The following LTAP1 variants were observed in gnomAD, a reference collection of about 807,000 sequenced individuals.
LTAP1 encodes lipid transport auxiliary protein 1.
At chr1:154,213,561 T>C in the LTAP1 span, among the ~76,000 whole-genome samples, 1 of 152,152 alleles carries the variant, frequency 6.6e-6, no homozygotes, top group East Asian at 1.9e-4. Flanking sequence ...ATGGAAAAAA[T>C]TCAAGAACAA....
the LTAP1 span, among the ~76,000 whole-genome samples, chr1:154,209,297 A>G: frequency 2.0e-5 from 3 of 151,922 alleles, no homozygotes; most frequent in East Asian, 1.9e-4. Context: ...GGTATCTCAT[A>G]TAACTGGAAT....
chr1:154,212,524 C>T, the LTAP1 span: 1 of 1,614,182 alleles, frequency 6.2e-7, no homozygotes, highest in Non-Finnish European at 8.5e-7. Flanking sequence ...TGCGTACACC[C>T]TTGAAAGGCG....
the LTAP1 span, chr1:154,212,386 AAG>A: frequency 6.2e-7 from 1 of 1,614,116 alleles, no homozygotes; most frequent in Non-Finnish European, 8.5e-7. Context: ...GACCTTAGGA[AAG>A]AGAAAGGAAG....
the LTAP1 span, chr1:154,219,696 C>T: frequency 4.5e-6 from 3 of 667,860 alleles, no homozygotes; most frequent in South Asian, 2.0e-5. Flanking sequence ...CGCACAGTGC[C>T]TGCTCAACTT....
chr1:154,208,805 C>A, the LTAP1 span, among the ~76,000 whole-genome samples: 1 of 152,192 alleles, frequency 6.6e-6, no homozygotes, highest in Non-Finnish European at 1.5e-5. Flanking sequence ...GGCTGGAGTG[C>A]AGTGGCACAA....
chr1:154,207,638 G>A, the LTAP1 span: 1 of 1,605,196 alleles, frequency 6.2e-7, no homozygotes, highest in Non-Finnish European at 8.5e-7. Flanking sequence ...CTCCCAATTC[G>A]TGCTTTAACC....
chr1:154,215,124 T>G, the LTAP1 span, among the ~76,000 whole-genome samples: 3 of 151,948 alleles, frequency 2.0e-5, no homozygotes, highest in African/African-American at 7.3e-5. Flanking sequence ...GGATTACAGG[T>G]GTGAGCTACT....
the LTAP1 span, chr1:154,219,960 C>T: frequency 1.3e-6 from 2 of 1,549,522 alleles, no homozygotes; most frequent in Non-Finnish European, 1.7e-6. Flanking sequence ...ATGTAAAAAT[C>T]CTTTAATAAA....
At chr1:154,213,883 T>G in the LTAP1 span, 1 of 1,611,280 alleles carries the variant, frequency 6.2e-7, no homozygotes. Context: ...CCCTGTCAGG[T>G]AGCCCTTACC....
the LTAP1 span, chr1:154,220,379 C>T: frequency 6.2e-7 from 1 of 1,614,240 alleles, no homozygotes; most frequent in East Asian, 2.2e-5. Context: ...GACATTCACC[C>T]CGGAGAGCCA....
chr1:154,215,460 G>A, the LTAP1 span, among the ~76,000 whole-genome samples: 1 of 151,724 alleles, frequency 6.6e-6, no homozygotes, highest in East Asian at 2.0e-4. Context: ...CAGCTACTCG[G>A]GAGGCCGAGG....
At chr1:154,219,539 G>A in the LTAP1 span, among the ~76,000 whole-genome samples, 4 of 152,258 alleles carry the variant, frequency 2.6e-5, no homozygotes, top group African/African-American at 7.2e-5. Flanking sequence ...AAAAACACTG[G>A]GTAGTTTAAG....
the LTAP1 span, among the ~76,000 whole-genome samples, chr1:154,215,383 G>A: frequency 1.3e-5 from 2 of 151,834 alleles, no homozygotes; most frequent in Non-Finnish European, 2.9e-5. Flanking sequence ...TGGCTAACAC[G>A]GTGAAACCCT....
chr1:154,220,344 G>A, the LTAP1 span: 11 of 1,614,230 alleles, frequency 6.8e-6, no homozygotes, highest in Non-Finnish European at 8.5e-6. Flanking sequence ...CTCCTCACCA[G>A]GCTCCCGTAG....
the LTAP1 span, chr1:154,214,412 C>A: frequency 7.9e-7 from 1 of 1,267,542 alleles, no homozygotes; most frequent in Admixed American, 1.8e-5. Context: ...GAATTCTGGA[C>A]TTGTGGGACT....
chr1:154,217,484 T>C, the LTAP1 span, among the ~76,000 whole-genome samples: 85 of 152,214 alleles, frequency 5.6e-4, no homozygotes, highest in African/African-American at 2.0e-3. Context: ...TGGAAGCACA[T>C]GGTACATATT....
chr1:154,209,134 T>C, the LTAP1 span, among the ~76,000 whole-genome samples: 6 of 152,302 alleles, frequency 3.9e-5, no homozygotes, highest in Admixed American at 6.5e-5. Flanking sequence ...TATGGTTCAG[T>C]AGTGTTAAGT....
chr1:154,207,791 C>T, the LTAP1 span: 1 of 703,160 alleles, frequency 1.4e-6, no homozygotes, highest in Non-Finnish European at 2.3e-6. Flanking sequence ...GTTACTAAAA[C>T]CCCATCTAGT....
the LTAP1 span, among the ~76,000 whole-genome samples, chr1:154,209,401 A>C: frequency 3.7e-5 from 5 of 136,020 alleles, no homozygotes; most frequent in African/African-American, 1.1e-4. Flanking sequence ...CTACATGTTC[A>C]TTTTCATCAG....
Sources: allele counts gnomAD v4.1 joint callset (sites outside exome capture counted in the v4.1 genomes callset), GRCh38; gene constraint gnomAD v4.1.1; transcripts MANE v1.5; gene names NCBI Gene and HGNC (gene_info 2026-07-23, HGNC 2026-07-21).